LONP1: variants seen among roughly 807,000 people sequenced by gnomAD.
LONP1 encodes the protein lon peptidase 1, mitochondrial.
LONP1 carries 31 observed loss-of-function variants against 98.5 expected under a neutral mutation model. That is an observed-to-expected ratio of 0.31 (90% confidence interval 0.24 to 0.42). LONP1 has a LOEUF of 0.42. Ranked by LOEUF, LONP1 falls within the 20% of genes least tolerant of loss-of-function variation. The pLI is 1.00. For synonymous variants in LONP1, 781 were observed against 594.7 expected, an observed-to-expected ratio of 1.31 and a Z score of -4.56; for missense variants, 1,336 against 1,350.6, an observed-to-expected ratio of 0.99 and a Z score of 0.17.
intron 17 of LONP1, 62 bp downstream of exon 17, chr19:5,693,236 G>C (rs928763751): frequency 2.6e-6 from 4 of 1,548,384 alleles, no homozygotes; most frequent in Non-Finnish European, 3.5e-6. Flanking sequence ...GGCGGGGACT[G>C]GGCCTGTCCC....
chr19:5,692,937 T>C (rs2054855522), intron 17 of LONP1, among the ~76,000 whole-genome samples: 1 of 151,950 alleles, frequency 6.6e-6, no homozygotes, highest in Non-Finnish European at 1.5e-5. Flanking sequence ...CTCAGCACCC[T>C]TGGAAGAGGC....
chr19:5,716,114 G>A (rs2055313474), intron 1 of LONP1, among the ~76,000 whole-genome samples: 1 of 151,472 alleles, frequency 6.6e-6, no homozygotes, highest in African/African-American at 2.4e-5. Context: ...GCTCATGCCT[G>A]TAATCCCAGC....
intron 4 of LONP1, 65 bp from the exon 5 acceptor site, chr19:5,708,468 G>GGGGGGGGGA: frequency 5.4e-6 from 3 of 551,252 alleles, no homozygotes; most frequent in East Asian, 9.5e-5. Flanking sequence ...GGCTGGGTGG[G>GGGGGGGGGA]AGCATGGCCC....
At position 5,691,934 on chromosome 19, in the gene LONP1, CGGT is replaced by C. The variant is rs1568307857; in HGVS notation, c.*95_*97del. ...GGGTCACTGGACCGAGCTGCTCGCT[CGGT>C]GGCTCCACTGCCAGGTCCGGGCGCG... On this transcript the variant is annotated 3_prime_UTR_variant, in exon 18 of 18. Transcript: ENST00000360614. The C allele has an allele frequency of 7.1e-7, 1 of 1,418,148 alleles. No homozygotes were observed. The highest frequency in any genetic ancestry group is 1.4e-5 in the African/African-American group (1 of 70,206). 87.8% of individuals were successfully genotyped at this position (1,418,148 alleles called of 1,614,324 possible).
rs1341701911 is a variant in LONP1, at chr19:5,692,162, T to G, written c.2750A>C (p.Lys917Thr). 2 of 1,613,972 alleles carry G rather than the reference T, an allele frequency of 1.2e-6. No homozygotes were observed. Among genetic ancestry groups the G allele is most frequent in the African/African-American group, 1.3e-5 (1 of 74,940 alleles). The change falls in exon 18 of 18, where the codon AAG becomes ACG. Residue 917 changes from lysine (K) to threonine (T), a missense_variant. By Grantham distance (78) the Lys-to-Thr change is moderately conservative. This residue lies in a region of LONP1 where 555 missense variants were observed against 542.6 expected (regional missense o/e 1.02). Coordinates refer to ENST00000360614, the MANE Select transcript of LONP1 (RefSeq NM_004793.4). ...GGCTGCCAGGTCGTAGAAGTCCTTC[T>G]TGTTCTCGGCTGGCAGGACGATGCA... ...VTCIVLPAEN[K>T]KDFYDLAAFI...
intron 11 of LONP1, 49 bp from the exon 12 acceptor site, chr19:5,696,420 C>T: frequency 6.3e-7 from 1 of 1,596,412 alleles, no homozygotes; most frequent in Non-Finnish European, 8.5e-7. Flanking sequence ...CCCTGGCCAG[C>T]CCGCCCAGTG....
intron 14 of LONP1, 91 bp from the exon 15 acceptor site, chr19:5,694,643 G>GCGGGGTGGTGGGGTGATGGGCT: frequency 1.3e-6 from 2 of 1,565,502 alleles, no homozygotes; most frequent in Non-Finnish European, 1.7e-6. Flanking sequence ...TGTGACGGGC[G>GCGGGGTGGTGGGGTGATGGGCT]CGGGGTGGTG....
chr19:5,704,679 C>G (rs1168057419), intron 8 of LONP1, among the ~76,000 whole-genome samples: 1 of 152,224 alleles, frequency 6.6e-6, no homozygotes, highest in African/African-American at 2.4e-5. Flanking sequence ...GAAAGGATCT[C>G]AGAGGTACCT....
At chr19:5,705,642 T>G in intron 8 of LONP1, 130 bp downstream of exon 8, 1 of 678,910 alleles carries the variant, frequency 1.5e-6, no homozygotes, top group Non-Finnish European at 2.5e-6. Flanking sequence ...ACTCGCTGGA[T>G]GCCTCCCAGC....
rs1474866923 is a variant in LONP1 at position 5,694,762 on chromosome 19, T to A, written c.2153A>T (p.Lys718Met). 2 of 1,588,892 alleles carry A rather than the reference T, an allele frequency of 1.3e-6. No individual in the cohort carries two copies. The highest frequency in any genetic ancestry group is 2.3e-5 in the East Asian group (1 of 44,100). The change falls in exon 14 of 18, where the codon AAG becomes ATG. Residue 718 changes from lysine to methionine, a missense_variant and splice_region_variant. Lys to Met is a moderately conservative substitution (Grantham distance 95). Transcript: ENST00000360614. ...GVRNLQKQVE[K>M]VLRKSAYKIV... ...CAGGAGGGCGGGCTGGCCGCTCACC[T>A]TCTCCACTTGCTTCTGCAGGTTGCG...
At chr19:5,706,953 C>G in intron 7 of LONP1, 107 bp downstream of exon 7, 1 of 910,296 alleles carries the variant, frequency 1.1e-6, no homozygotes, top group Admixed American at 2.1e-5. Context: ...TCTTGGCTTG[C>G]CCTGGCCGAT....
At chr19:5,699,000 T>G (rs2054993478) in intron 10 of LONP1, 27 bp downstream of exon 10, 1 of 1,583,274 alleles carries the variant, frequency 6.3e-7, no homozygotes. Flanking sequence ...GGGGAGTGCG[T>G]GGGGAGAGCT....
At chr19:5,698,746 T>C (rs2054988614) in intron 10 of LONP1, among the ~76,000 whole-genome samples, 2 of 152,156 alleles carry the variant, frequency 1.3e-5, no homozygotes, top group South Asian at 4.1e-4. Flanking sequence ...TTGCAGGTCC[T>C]ATGCTGGAAC....
In LONP1 at chr19:5,692,196, C is replaced by G. The variant is rs775882355; in HGVS notation, c.2716G>C (p.Gly906Arg). 3.7e-6 allele frequency: 6 copies of G among 1,612,694 alleles called. No homozygotes were observed. Among genetic ancestry groups the G allele is most frequent in the Non-Finnish European group, 4.2e-6 (5 of 1,179,090 alleles). ...KEKTIAAKRA[G>R]VTCIVLPAEN... Reference sequence around the variant, plus strand: ...GCTGGCAGGACGATGCACGTCACCCCTGCGCGCTTGGCCTGGGGGCAGAGT... The same window carrying G: ...GCTGGCAGGACGATGCACGTCACCCGTGCGCGCTTGGCCTGGGGGCAGAGT... The change falls in exon 18 of 18, where the codon GGG (glycine) becomes CGG (arginine). Residue 906 changes from glycine (G) to arginine (R), a missense_variant. This residue lies in a region of LONP1 where 555 missense variants were observed against 542.6 expected (regional missense o/e 1.02). Transcript: ENST00000360614.
At chr19:5,718,347 G>A (rs1327007057) in intron 1 of LONP1, among the ~76,000 whole-genome samples, 2 of 151,870 alleles carry the variant, frequency 1.3e-5, no homozygotes, top group African/African-American at 4.8e-5. Flanking sequence ...CCACGGTGGC[G>A]GGCGCCTGTA....
rs761015433 is a variant in LONP1, at chr19:5,694,848, G to A, written c.2067C>T (p.Ala689=). The A allele has an allele frequency of 2.3e-5, 37 of 1,603,526 alleles. No homozygotes were observed. In the Admixed American group the frequency reaches 4.3e-4, roughly 19 times the overall value. The change falls in exon 14 of 18, where the codon GCC becomes GCT. Residue 689 remains alanine, a synonymous_variant. Transcript: ENST00000360614. ...RALCGLDESK[A]KLSSDVLTLL... is the part of the protein sequence containing the mutation. ...GCGTCAGCACGTCCGATGACAGCTT[G>A]GCCTTGCTCTCATCCAAGCCACACA...
chr19:5,712,062 G>A (rs564983556), intron 3 of LONP1, 60 bp from the exon 4 acceptor site: 27 of 1,416,236 alleles, frequency 1.9e-5, no homozygotes, highest in East Asian at 1.2e-4. Flanking sequence ...GGACCCGGCT[G>A]AGGCCTCCCT....
intron 10 of LONP1, among the ~76,000 whole-genome samples, chr19:5,697,882 C>A (rs1254506171): frequency 6.6e-6 from 1 of 152,064 alleles, no homozygotes; most frequent in Non-Finnish European, 1.5e-5. Flanking sequence ...CAGGGTCTCT[C>A]CTCCGGCCCG....
Position 5,700,791 on chromosome 19 carries a change from G to A in LONP1, c.1504C>T (p.Leu502=), listed in dbSNP as rs750418547. ...AACAGGCCAGACACTGGGCTCACCA[G>A]GATGCGTTTCTTGACGTCCTCCATG... is the stretch of plus-strand genomic sequence containing the variant. ...YGMEDVKKRI[L]EFIAVSQLRG... is the part of the protein sequence containing the mutation. Residue 502 remains leucine (L), a splice_region_variant and synonymous_variant, in exon 9 of 18, where the codon CTG becomes TTG. Coordinates refer to ENST00000360614, the MANE Select transcript of LONP1 (RefSeq NM_004793.4). The A allele has an allele frequency of 4.3e-6, 7 of 1,613,974 alleles. No homozygotes were observed. The African/African-American group carries it at 5.3e-5, about 12-fold the overall frequency.
Sources: allele counts gnomAD v4.1 joint callset (sites outside exome capture counted in the v4.1 genomes callset), GRCh38; gene constraint gnomAD v4.1.1; regional missense constraint gnomAD v4.1.1; transcripts MANE v1.5; gene names NCBI Gene and HGNC (gene_info 2026-07-23, HGNC 2026-07-21).